ATP11B: variants seen among roughly 807,000 people sequenced by gnomAD.
ATP11B encodes the protein ATPase phospholipid transporting 11B (putative).
A neutral mutation model predicts 157.8 loss-of-function variants in ATP11B; 81 were observed. The observed-to-expected ratio is 0.51, with a 90% CI of 0.43 to 0.62. The LOEUF (loss-of-function observed/expected upper bound fraction) is 0.62, where lower values mean the gene tolerates loss of function less well. Among genes scored for constraint, ATP11B ranks in the 20% least tolerant of loss-of-function variants. The probability of loss-of-function intolerance (pLI) is 0.00; values close to 1 mark genes in which losing one functional copy is unlikely to be tolerated. For synonymous variants in ATP11B, 451 were observed against 469.4 expected, an observed-to-expected ratio of 0.96 and a Z score of 0.51; for missense variants, 1,165 against 1,402.2, an observed-to-expected ratio of 0.83 and a Z score of 2.70.
At chr3:182,828,621 A>G (rs1025383763) in intron 3 of ATP11B, among the ~76,000 whole-genome samples, 2 of 151,496 alleles carry the variant, frequency 1.3e-5, no homozygotes, top group African/African-American at 2.4e-5. Flanking sequence ...TTTAATTTAA[A>G]TTTAACTTAA....
chr3:182,896,635 G>T, intron 25 of ATP11B, 65 bp from the exon 26 acceptor site: 2 of 1,369,184 alleles, frequency 1.5e-6, no homozygotes, highest in South Asian at 2.4e-5. Context: ...AGAATTAAAT[G>T]ACTTTTTACC....
At chr3:182,849,660 A>G (rs1224530714) in intron 10 of ATP11B, among the ~76,000 whole-genome samples, 3 of 152,232 alleles carry the variant, frequency 2.0e-5, no homozygotes, top group African/African-American at 7.2e-5. Context: ...GACTGAATAA[A>G]TCAGACCAGT....
In ATP11B at chr3:182,889,972, T is replaced by C. The variant is rs994193282; in HGVS notation, c.2982+424T>C. On this transcript the variant is annotated intron_variant, in intron 25 of 29. Transcript: ENST00000323116. ...TTACTCCCATTTTTCAGATGGCAAA[T>C]GAGGACTTAGTGTTTGTTTGCTTTT... 4.1e-4 allele frequency among the ~76,000 whole-genome samples: 62 copies of C among 152,222 alleles called. 1 individual carries two copies. Among genetic ancestry groups the C allele is most frequent in the Admixed American group, 6.5e-5 (1 of 15,272 alleles).
At chr3:182,847,654 A>G (rs930698741) in intron 9 of ATP11B, among the ~76,000 whole-genome samples, 2 of 152,226 alleles carry the variant, frequency 1.3e-5, no homozygotes, top group Non-Finnish European at 2.9e-5. Context: ...TGTACTATTT[A>G]GGGATGGGAA....
In ATP11B at chr3:182,889,527, A is replaced by C. The variant is rs759362752; in HGVS notation, c.2961A>C (p.Thr987=). 6.4e-7 allele frequency: 1 copy of C among 1,559,198 alleles called. No homozygotes were observed. The highest frequency in any genetic ancestry group is 1.4e-5 in the African/African-American group (1 of 70,662). ...CCTATTTACTAATAGGGAAAGATAC[A>C]TCTCTGCTTGGAAATGGCCAGGTAA... ...FGSYLLIGKD[T]SLLGNGQMFG... Residue 987 remains threonine, a synonymous_variant, in exon 25 of 30, where the codon ACA becomes ACC. Transcript: ENST00000323116.
chr3:182,917,302 G>A, intron 29 of ATP11B: 5 of 985,330 alleles, frequency 5.1e-6, no homozygotes, highest in Non-Finnish European at 6.0e-6. Flanking sequence ...AACTAGGTTA[G>A]TCTATTTTAA....
chr3:182,881,174 G>A (rs1722397323), intron 21 of ATP11B, among the ~76,000 whole-genome samples, 193 bp downstream of exon 21: 2 of 152,162 alleles, frequency 1.3e-5, no homozygotes, highest in Admixed American at 6.5e-5. Context: ...GGTGGCTCAC[G>A]CCTGTAATCC....
intron 28 of ATP11B, among the ~76,000 whole-genome samples, chr3:182,899,415 C>G (rs780307467): frequency 6.6e-6 from 1 of 151,622 alleles, no homozygotes; most frequent in Non-Finnish European, 1.5e-5. Flanking sequence ...CCTCCCGAAG[C>G]GCTGGGATTA....
chr3:182,829,205 A>G (rs573970759), intron 3 of ATP11B, among the ~76,000 whole-genome samples: 2 of 152,272 alleles, frequency 1.3e-5, no homozygotes, highest in African/African-American at 2.4e-5. Context: ...TAATGGGCCT[A>G]TCCGGAGTAA....
At chr3:182,810,208 T>C (rs541862286) in intron 1 of ATP11B, among the ~76,000 whole-genome samples, 10 of 152,224 alleles carry the variant, frequency 6.6e-5, no homozygotes, top group Non-Finnish European at 1.0e-4. Flanking sequence ...GGTGGGTGCC[T>C]GTAATCCCAG....
chr3:182,826,341 T>C (rs1031339839), intron 2 of ATP11B, among the ~76,000 whole-genome samples: 3 of 152,230 alleles, frequency 2.0e-5, no homozygotes, highest in African/African-American at 7.2e-5. Context: ...ATATAGCTGT[T>C]CTCTTCAGGA....
In ATP11B at chr3:182,836,585, A is replaced by G. The variant is rs1278969304; in HGVS notation, c.552+115A>G. 3 of 1,183,782 alleles carry G rather than the reference A, an allele frequency of 2.5e-6. No individual in the cohort carries two copies. In the Admixed American group the frequency reaches 7.4e-5, roughly 29 times the overall value. 73.3% of individuals were successfully genotyped at this position (1,183,782 alleles called of 1,614,324 possible). The stretch of plus-strand genomic sequence containing the variant: ...TTGACCAGATTAAGGGGAAGTTTTT[A>G]AAATTACTATTTCAAAAATAAAAAG... On this transcript the variant is annotated intron_variant, in intron 6 of 29. Coordinates refer to ENST00000323116, the MANE Select transcript of ATP11B (RefSeq NM_014616.3).
chr3:182,845,009 T>TGTTTTTTTTTTTTTTA (rs59074422), intron 8 of ATP11B, among the ~76,000 whole-genome samples: 2 of 112,090 alleles, frequency 1.8e-5, no homozygotes, highest in Non-Finnish European at 3.5e-5. Context: ...TTTTTTTATT[T>TGTTTTTTTTTTTTTTA]TTTTTTATTT....
chr3:182,793,655 C>T lies in ATP11B; in HGVS notation c.-105C>T. On this transcript the variant is annotated 5_prime_UTR_variant, in exon 1 of 30. Transcript: ENST00000323116. ...GTGGCGGCGGCGGCGGTAAGCGGAA[C>T]TTCGGCCCGAGGGGCTCGCCCGCTC... The T allele has an allele frequency of 1.5e-6, 1 of 683,454 alleles. No homozygotes were observed. Among genetic ancestry groups the T allele is most frequent in the Non-Finnish European group, 2.1e-6 (1 of 466,198 alleles). The allele number at this position is 683,454 out of a possible 1,614,324, so 42.3% of individuals were successfully genotyped here.
intron 25 of ATP11B, among the ~76,000 whole-genome samples, chr3:182,890,950 A>T (rs1027530477): frequency 6.6e-6 from 1 of 152,206 alleles, no homozygotes; most frequent in Admixed American, 6.5e-5. Context: ...TGATGAGTTA[A>T]TGGGTGCAGC....
chr3:182,885,297 A>G (rs1019437070), intron 22 of ATP11B, among the ~76,000 whole-genome samples: 9 of 152,144 alleles, frequency 5.9e-5, no homozygotes, highest in Non-Finnish European at 1.5e-5. Flanking sequence ...AAAGAAACAA[A>G]TTATGTTGAA....
chr3:182,803,850 C>A (rs1407755524), intron 1 of ATP11B, among the ~76,000 whole-genome samples: 2 of 152,218 alleles, frequency 1.3e-5, no homozygotes, highest in Non-Finnish European at 2.9e-5. Flanking sequence ...TACCAGCATT[C>A]TCTTTCATAT....
intron 17 of ATP11B, among the ~76,000 whole-genome samples, chr3:182,871,220 C>T (rs1447471026): frequency 6.6e-6 from 1 of 152,050 alleles, no homozygotes; most frequent in African/African-American, 2.4e-5. Context: ...ATCACTTGAG[C>T]CCAGGAGTTC....
intron 1 of ATP11B, among the ~76,000 whole-genome samples, chr3:182,815,844 T>C (rs1047010903): frequency 6.6e-6 from 1 of 152,204 alleles, no homozygotes; most frequent in Non-Finnish European, 1.5e-5. Context: ...ATAAAATCTT[T>C]GGGATTTTAA....
Sources: gnomAD v4.1 joint callset for allele counts (sites outside exome capture counted in the v4.1 genomes callset) on GRCh38, gnomAD v4.1.1 for gene constraint, MANE v1.5 for transcripts, NCBI Gene and HGNC (gene_info 2026-07-23, HGNC 2026-07-21) for gene names.